The following TGS1 variants were observed in gnomAD, a reference collection of about 807,000 sequenced individuals.
The protein encoded by TGS1 is trimethylguanosine synthase 1, also known as trimethylguanosine synthase.
In TGS1, 69 loss-of-function variants were observed where a neutral mutation model predicts 92.2. The observed-to-expected ratio is 0.75, with a 90% CI of 0.62 to 0.91. TGS1 has a LOEUF of 0.91. Ranked by LOEUF, TGS1 falls within the 40% of genes least tolerant of loss-of-function variation. The pLI is 0.00. For missense variants in TGS1, 1,062 were observed against 1,001.2 expected, an observed-to-expected ratio of 1.06 and a Z score of -0.82; for synonymous variants, 345 against 338.1, an observed-to-expected ratio of 1.02 and a Z score of -0.22.
Position 55,773,502 on chromosome 8 carries a change from C to G in TGS1, c.-117C>G, listed in dbSNP as rs1483995818. On this transcript the variant is annotated 5_prime_UTR_variant, in exon 1 of 13. Coordinates refer to ENST00000260129, the MANE Select transcript of TGS1 (RefSeq NM_024831.8). ...GGCGCGAGCGGCCGCGGGCCAGTTT[C>G]TATCTCCTCATCCAGGGCTTGCGGG... is the stretch of plus-strand genomic sequence containing the variant. 18 of 713,006 alleles carry G rather than the reference C, an allele frequency of 2.5e-5. No individual in the cohort carries two copies. The highest frequency in any genetic ancestry group is 3.5e-5 in the Non-Finnish European group (16 of 451,574). The allele number at this position is 713,006 out of a possible 1,614,324, so 44.2% of individuals were successfully genotyped here.
rs1811712900 is a variant in TGS1, at chr8:55,786,426, T to C, written c.528T>C (p.Asp176=). 1 of 1,613,506 alleles carries C rather than the reference T, an allele frequency of 6.2e-7. No homozygotes were observed. Among genetic ancestry groups the C allele is most frequent in the Non-Finnish European group, 8.5e-7 (1 of 1,179,858 alleles). The change falls in exon 4 of 13, where the codon GAT becomes GAC. Residue 176 remains aspartate (D), a synonymous_variant. Transcript: ENST00000260129. ...CATATGAACTTCAAAGCAAAAAAGA[T>C]ACTGAGACAGAAAATCCTCCAGTTG... ...TRTYELQSKK[D]TETENPPVEN... is the part of the protein sequence containing the mutation.
At chr8:55,798,318 C>T (rs1413745043) in intron 7 of TGS1, among the ~76,000 whole-genome samples, 1 of 152,212 alleles carries the variant, frequency 6.6e-6, no homozygotes, top group East Asian at 1.9e-4. Context: ...TGATCTGATG[C>T]TGAGCCTTGT....
At chr8:55,800,871 T>G (rs1193015361) in intron 8 of TGS1, among the ~76,000 whole-genome samples, 1 of 152,234 alleles carries the variant, frequency 6.6e-6, no homozygotes, top group African/African-American at 2.4e-5. Flanking sequence ...TCTTATTCTT[T>G]GTTAGCCATC....
At chr8:55,789,708 T>A (rs2130142837) in intron 4 of TGS1, among the ~76,000 whole-genome samples, 1 of 152,306 alleles carries the variant, frequency 6.6e-6, no homozygotes, top group East Asian at 1.9e-4. Flanking sequence ...ATGATTGGGA[T>A]AACATTTATG....
intron 12 of TGS1, among the ~76,000 whole-genome samples, chr8:55,819,867 C>A (rs1446051257): frequency 6.6e-6 from 1 of 152,058 alleles, no homozygotes; most frequent in Non-Finnish European, 1.5e-5. Flanking sequence ...TTGGATCTAG[C>A]AAAAGAAAAG....
intron 5 of TGS1, among the ~76,000 whole-genome samples, chr8:55,790,896 C>T (rs1287517396): frequency 2.0e-5 from 3 of 152,034 alleles, no homozygotes; most frequent in Non-Finnish European, 4.4e-5. Context: ...CAGGAGCTAG[C>T]ATGTAATATA....
At chr8:55,774,536 T>A (rs1000156856) in intron 1 of TGS1, among the ~76,000 whole-genome samples, 1 of 152,238 alleles carries the variant, frequency 6.6e-6, no homozygotes, top group African/African-American at 2.4e-5. Flanking sequence ...TTAAACTTGT[T>A]AAATTTAATG....
chr8:55,801,578 C>T (rs941590854), intron 8 of TGS1, among the ~76,000 whole-genome samples: 10 of 77,038 alleles, frequency 1.3e-4, no homozygotes, highest in African/African-American at 5.1e-4. Flanking sequence ...CCAGCCCCAT[C>T]GTTCTTTTTT....
chr8:55,792,337 AG>A (rs1811909197), intron 5 of TGS1, among the ~76,000 whole-genome samples: 1 of 152,032 alleles, frequency 6.6e-6, no homozygotes, highest in Non-Finnish European at 1.5e-5. Context: ...TTTGTTTTTA[AG>A]GGAAACCTCT....
At chr8:55,803,692 CT>C (rs111520676) in intron 9 of TGS1, among the ~76,000 whole-genome samples, 22,895 of 144,046 alleles carry the variant, frequency 0.16, 1,839 homozygotes, top group African/African-American at 0.27. Context: ...TTTTTCTTTT[CT>C]TTTTTTTTTT....
At chr8:55,823,905 G>A (rs1322274838) in intron 12 of TGS1, among the ~76,000 whole-genome samples, 1 of 152,028 alleles carries the variant, frequency 6.6e-6, no homozygotes, top group East Asian at 1.9e-4. Context: ...ACCAGGTCAG[G>A]AGTTCGAGAC....
At chr8:55,805,275 C>T (rs1812334259) in intron 10 of TGS1, among the ~76,000 whole-genome samples, 1 of 151,912 alleles carries the variant, frequency 6.6e-6, no homozygotes, top group Admixed American at 6.6e-5. Context: ...CCACTTACAC[C>T]CAGATTTTTT....
chr8:55,788,454 C>CTTTTTTTTTTTTT (rs71256568), intron 4 of TGS1, among the ~76,000 whole-genome samples: 1 of 91,112 alleles, frequency 1.1e-5, no homozygotes, highest in South Asian at 3.7e-4. Context: ...CATTTTCATC[C>CTTTTTTTTTTTTT]TTTTTTTTTT....
At chr8:55,791,391 C>T (rs377299692) in intron 5 of TGS1, among the ~76,000 whole-genome samples, 14 of 152,244 alleles carry the variant, frequency 9.2e-5, no homozygotes, top group African/African-American at 3.1e-4. Context: ...CTGACACAGT[C>T]TCACAAGCCC....
chr8:55,788,548 G>A (rs2008376), intron 4 of TGS1, among the ~76,000 whole-genome samples: 126,859 of 151,290 alleles, frequency 0.84, 53,617 homozygotes, highest in African/African-American at 0.95. Flanking sequence ...GTCCGCCTCC[G>A]GGGCTCAAGC....
chr8:55,782,411 C>A (rs1472823594), intron 1 of TGS1, among the ~76,000 whole-genome samples: 1 of 152,160 alleles, frequency 6.6e-6, no homozygotes, highest in African/African-American at 2.4e-5. Flanking sequence ...AACTCCTGAC[C>A]TCAGGTGATC....
chr8:55,806,089 C>T (rs1812360886), intron 10 of TGS1, among the ~76,000 whole-genome samples: 1 of 151,624 alleles, frequency 6.6e-6, no homozygotes, highest in Admixed American at 6.6e-5. Context: ...GGCACGGTGG[C>T]TCATGCCTGT....
chr8:55,805,693 C>T (rs1351853853), intron 10 of TGS1, among the ~76,000 whole-genome samples: 1 of 151,994 alleles, frequency 6.6e-6, no homozygotes, highest in Non-Finnish European at 1.5e-5. Flanking sequence ...CGACACCAGC[C>T]TGGCCAACAT....
chr8:55,781,484 G>T (rs1044164879), intron 1 of TGS1, among the ~76,000 whole-genome samples: 34 of 152,198 alleles, frequency 2.2e-4, no homozygotes, highest in African/African-American at 8.2e-4. Context: ...TTACATATTT[G>T]CTCATTATAA....
Sources: gnomAD v4.1 joint callset for allele counts (sites outside exome capture counted in the v4.1 genomes callset) on GRCh38, gnomAD v4.1.1 for gene constraint, MANE v1.5 for transcripts, NCBI Gene and HGNC (gene_info 2026-07-23, HGNC 2026-07-21) for gene names.